RIC1: variants seen among roughly 807,000 people sequenced by gnomAD.
RIC1 encodes the protein guanine nucleotide exchange factor subunit RIC1.
In RIC1, 88 loss-of-function variants were observed where a neutral mutation model predicts 169.0. The observed-to-expected ratio is 0.52, with a 90% CI of 0.44 to 0.62. The LOEUF is 0.62. Ranked by LOEUF, RIC1 falls within the 20% of genes least tolerant of loss-of-function variation. The pLI is 0.00. For synonymous variants in RIC1, 790 were observed against 601.5 expected, an observed-to-expected ratio of 1.31 and a Z score of -4.59; for missense variants, 1,877 against 1,725.5, an observed-to-expected ratio of 1.09 and a Z score of -1.56.
At chr9:5,684,008 G>C (rs1415630054) in intron 2 of RIC1, among the ~76,000 whole-genome samples, 1 of 152,132 alleles carries the variant, frequency 6.6e-6, no homozygotes, top group Non-Finnish European at 1.5e-5. Context: ...ACAGTATTAG[G>C]GTGGGAGTGA....
intron 10 of RIC1, 104 bp downstream of exon 10, chr9:5,743,841 T>G: frequency 2.4e-6 from 2 of 829,274 alleles, no homozygotes; most frequent in Non-Finnish European, 3.9e-6. Flanking sequence ...GACAGGGTCT[T>G]ACACTGTCAC....
chr9:5,722,761 A>G (rs192370916), intron 6 of RIC1, among the ~76,000 whole-genome samples: 5 of 151,948 alleles, frequency 3.3e-5, no homozygotes, highest in African/African-American at 9.7e-5. Flanking sequence ...CTTGTGTCCA[A>G]GTGTTCTCAT....
chr9:5,686,830 C>G (rs536364951), intron 2 of RIC1, among the ~76,000 whole-genome samples: 4 of 152,010 alleles, frequency 2.6e-5, no homozygotes, highest in East Asian at 3.9e-4. Context: ...GTTATAATGT[C>G]TTTGTCTGGT....
Position 5,774,085 on chromosome 9 carries a change from A to G in RIC1, c.4111A>G (p.Ser1371Gly). ...ITMGKTPEQTSPRAEESRGSS... is the reference protein window; with the variant it reads ...ITMGKTPEQTGPRAEESRGSS... Reference sequence around the variant, plus strand: ...TATGGGTAAGACTCCAGAACAGACTAGCCCCCGGGCAGAGGAGAGCAGGGG... The same window carrying G: ...TATGGGTAAGACTCCAGAACAGACTGGCCCCCGGGCAGAGGAGAGCAGGGG... Residue 1371 changes from serine (S) to glycine (G), a missense_variant, in exon 26 of 26, where the codon AGC becomes GGC. Ser to Gly is a moderately conservative substitution (Grantham distance 56, BLOSUM62 0). Transcript: ENST00000414202. 6.2e-7 allele frequency: 1 copy of G among 1,614,110 alleles called. No individual in the cohort carries two copies. Among genetic ancestry groups the G allele is most frequent in the Non-Finnish European group, 8.5e-7 (1 of 1,179,994 alleles).
At chr9:5,724,687 G>C (rs879755551) in intron 6 of RIC1, among the ~76,000 whole-genome samples, 2 of 152,174 alleles carry the variant, frequency 1.3e-5, no homozygotes, top group African/African-American at 2.4e-5. Context: ...TATGATATTT[G>C]TGGGTTTGTC....
intron 17 of RIC1, 78 bp from the exon 18 acceptor site, chr9:5,762,463 A>C: frequency 6.5e-7 from 1 of 1,544,038 alleles, no homozygotes; most frequent in East Asian, 2.3e-5. Flanking sequence ...TGACCTATAA[A>C]CCTTATGGAT....
chr9:5,678,779 T>C (rs1248842314), intron 2 of RIC1, among the ~76,000 whole-genome samples: 2 of 152,190 alleles, frequency 1.3e-5, no homozygotes, highest in Non-Finnish European at 2.9e-5. Context: ...AAAAATTTTT[T>C]CCCATTCTGT....
intron 12 of RIC1, among the ~76,000 whole-genome samples, chr9:5,752,568 G>T (rs1825784490): frequency 6.6e-6 from 1 of 151,672 alleles, no homozygotes. Flanking sequence ...AGTCTCCCAT[G>T]TAGTTGGGAC....
At chr9:5,737,278 A>C (rs553402082) in intron 7 of RIC1, among the ~76,000 whole-genome samples, 49 of 146,224 alleles carry the variant, frequency 3.4e-4, no homozygotes, top group African/African-American at 1.1e-3. Context: ...GGCCCTTCAG[A>C]AATTTGACCC....
intron 6 of RIC1, among the ~76,000 whole-genome samples, chr9:5,726,505 C>G (rs1299802511): frequency 6.6e-6 from 1 of 152,160 alleles, no homozygotes; most frequent in African/African-American, 2.4e-5. Context: ...GACACTTTAT[C>G]CAATTTGCCA....
intron 17 of RIC1, among the ~76,000 whole-genome samples, chr9:5,758,023 G>T (rs1386335553): frequency 6.6e-6 from 1 of 152,140 alleles, no homozygotes; most frequent in African/African-American, 2.4e-5. Flanking sequence ...GGAGGAAAAT[G>T]AACTGAAGTA....
intron 21 of RIC1, among the ~76,000 whole-genome samples, chr9:5,768,574 A>T (rs1329258476): frequency 2.6e-5 from 4 of 152,170 alleles, no homozygotes; most frequent in Non-Finnish European, 4.4e-5. Context: ...TGCATGACTC[A>T]CACTGAGAAA....
chr9:5,636,500 A>T (rs1310809346), intron 1 of RIC1, among the ~76,000 whole-genome samples: 3 of 151,954 alleles, frequency 2.0e-5, no homozygotes, highest in Non-Finnish European at 4.4e-5. Flanking sequence ...TTGTATTTTT[A>T]GTAGAGACAG....
intron 2 of RIC1, among the ~76,000 whole-genome samples, chr9:5,675,181 T>C (rs533814646): frequency 6.6e-6 from 1 of 152,182 alleles, no homozygotes; most frequent in East Asian, 1.9e-4. Context: ...CTAATTCCGA[T>C]TGGCTAATTT....
At chr9:5,692,463 G>T (rs183873503) in intron 3 of RIC1, among the ~76,000 whole-genome samples, 13 of 152,070 alleles carry the variant, frequency 8.5e-5, no homozygotes, top group Admixed American at 5.2e-4. Context: ...AAGCTTTTAA[G>T]TAATTTTTAA....
intron 25 of RIC1, among the ~76,000 whole-genome samples, chr9:5,773,518 G>T (rs1446446765): frequency 2.6e-5 from 4 of 152,172 alleles, no homozygotes; most frequent in Non-Finnish European, 5.9e-5. Flanking sequence ...TTGCAGTTAA[G>T]AGCCTTGGAC....
chr9:5,656,894 C>A (rs1819133662), intron 2 of RIC1, among the ~76,000 whole-genome samples: 1 of 152,158 alleles, frequency 6.6e-6, no homozygotes, highest in Admixed American at 6.5e-5. Flanking sequence ...CTTAACAAAG[C>A]ACCTATATCC....
intron 1 of RIC1, among the ~76,000 whole-genome samples, chr9:5,654,994 A>G (rs536478340): frequency 6.6e-6 from 1 of 152,302 alleles, no homozygotes; most frequent in African/African-American, 2.4e-5. Context: ...AATTCTGTCA[A>G]ATTTTCTACA....
At chr9:5,701,213 T>C (rs1296347480) in intron 3 of RIC1, among the ~76,000 whole-genome samples, 1 of 152,156 alleles carries the variant, frequency 6.6e-6, no homozygotes, top group Non-Finnish European at 1.5e-5. Flanking sequence ...CTTTCATGAG[T>C]GGATGTGTAC....
Sources: allele counts gnomAD v4.1 joint callset (sites outside exome capture counted in the v4.1 genomes callset), GRCh38; gene constraint gnomAD v4.1.1; transcripts MANE v1.5; gene names NCBI Gene and HGNC (gene_info 2026-07-23, HGNC 2026-07-21).